The following PLOD2 variants were observed in gnomAD, a reference collection of about 807,000 sequenced individuals.
The protein encoded by PLOD2 is procollagen-lysine,2-oxoglutarate 5-dioxygenase 2.
Under a neutral mutation model 101.0 loss-of-function variants are expected in PLOD2, and 65 were observed. The observed-to-expected ratio is 0.64, with a 90% CI of 0.53 to 0.79. The LOEUF is 0.79. PLOD2 is among the 30% of genes least tolerant of loss of function. PLOD2 has a pLI of 0.00. For missense variants in PLOD2, 909 were observed against 914.6 expected (o/e 0.99, Z 0.08); for synonymous variants, 314 against 302.9 (o/e 1.04, Z -0.38).
intron 2 of PLOD2, among the ~76,000 whole-genome samples, chr3:146,122,420 T>C (rs2030227575): frequency 6.6e-6 from 1 of 152,170 alleles, no homozygotes. Context: ...CTCTGTGCAA[T>C]ACACCATGTT....
At chr3:146,091,289 T>C (rs1982383) in intron 8 of PLOD2, among the ~76,000 whole-genome samples, 2 of 151,920 alleles carry the variant, frequency 1.3e-5, no homozygotes, top group East Asian at 3.9e-4. Flanking sequence ...CTTACATTTA[T>C]GCACCTCAGT....
chr3:146,103,856 C>T (rs1025262398), intron 6 of PLOD2, among the ~76,000 whole-genome samples: 5 of 151,646 alleles, frequency 3.3e-5, no homozygotes, highest in Admixed American at 1.3e-4. Context: ...CACACACACA[C>T]ACACACACAC....
intron 6 of PLOD2, 74 bp downstream of exon 6, chr3:146,104,205 T>G (rs1013619751): frequency 1.1e-6 from 1 of 876,680 alleles, no homozygotes; most frequent in Non-Finnish European, 2.0e-6. Flanking sequence ...CAAATGGACA[T>G]AACAAAGGAA....
intron 3 of PLOD2, among the ~76,000 whole-genome samples, chr3:146,112,630 A>ATCATGAG (rs1306713893): frequency 6.6e-6 from 1 of 152,080 alleles, no homozygotes; most frequent in African/African-American, 2.4e-5. Context: ...AGGCGGGCGG[A>ATCATGAG]TCATGAGGTC....
At chr3:146,113,125 T>C (rs1022892889) in intron 3 of PLOD2, among the ~76,000 whole-genome samples, 4 of 151,996 alleles carry the variant, frequency 2.6e-5, no homozygotes, top group African/African-American at 9.7e-5. Flanking sequence ...TGAAAAAGAG[T>C]TATGGCAACT....
intron 1 of PLOD2, among the ~76,000 whole-genome samples, chr3:146,151,208 G>C (rs2108141015): frequency 6.6e-6 from 1 of 152,272 alleles, no homozygotes; most frequent in South Asian, 2.1e-4. Flanking sequence ...TAAAAGTCAA[G>C]AGACATTGGC....
In PLOD2 at chr3:146,071,024, C is replaced by T. The variant is rs191094758; in HGVS notation, c.2121+18G>A. 1 of 1,596,668 alleles carries T rather than the reference C, an allele frequency of 6.3e-7. No homozygotes were observed. Among genetic ancestry groups the T allele is most frequent in the Non-Finnish European group, 8.6e-7 (1 of 1,165,632 alleles). ...ATATTTCTTTTGAAAAATCTAAAAA[C>T]ACAAGAGTCATAATTACCTGAAAGT... On this transcript the variant is annotated intron_variant, in intron 19 of 19. Transcript: ENST00000282903.
intron 11 of PLOD2, among the ~76,000 whole-genome samples, chr3:146,082,238 C>T (rs947278088): frequency 5.3e-5 from 8 of 152,038 alleles, no homozygotes; most frequent in Non-Finnish European, 1.2e-4. Context: ...TTAAATGAAA[C>T]CAAATATTTT....
Position 146,070,889 on chromosome 3 carries a change from G to A in PLOD2, c.2122-17C>T. The A allele has an allele frequency of 6.3e-7, 1 of 1,592,408 alleles. No homozygotes were observed. The highest frequency in any genetic ancestry group is 8.6e-7 in the Non-Finnish European group (1 of 1,162,744). ...ACCACCTCCCTAAAAAAGTTAAAAT[G>A]AAGAAATACATCAGATTATATTTAA... On this transcript the variant is annotated splice_polypyrimidine_tract_variant and intron_variant, in intron 19 of 19. Coordinates refer to ENST00000282903, the MANE Select transcript of PLOD2 (RefSeq NM_182943.3).
intron 1 of PLOD2, among the ~76,000 whole-genome samples, chr3:146,124,802 G>T (rs557545749): frequency 2.8e-4 from 42 of 152,004 alleles, no homozygotes; most frequent in African/African-American, 9.4e-4. Flanking sequence ...TCTTACAAGC[G>T]ACAACATTAT....
At chr3:146,100,098 C>T (rs1216289358) in intron 7 of PLOD2, among the ~76,000 whole-genome samples, 1 of 152,180 alleles carries the variant, frequency 6.6e-6, no homozygotes, top group East Asian at 1.9e-4. Flanking sequence ...TCAGGCTGGT[C>T]TTGAACTCCT....
At chr3:146,105,152 C>T (rs1012792832) in intron 5 of PLOD2, 5 of 152,186 alleles carry the variant, frequency 3.3e-5, no homozygotes, top group African/African-American at 9.7e-5. Context: ...TTCTTAATTA[C>T]TTTCAATGTG....
At chr3:146,085,417 C>T (rs1319301786) in intron 10 of PLOD2, 144 bp from the exon 11 acceptor site, 13 of 646,932 alleles carry the variant, frequency 2.0e-5, no homozygotes, top group East Asian at 8.3e-5. Context: ...ATATCTGAAA[C>T]GATATATATA....
At chr3:146,104,399 CTATCA>C in intron 5 of PLOD2, 57 bp from the exon 6 acceptor site, 1 of 859,428 alleles carries the variant, frequency 1.2e-6, no homozygotes, top group Non-Finnish European at 2.0e-6. Context: ...GCAAACATTC[CTATCA>C]TATTAATATA....
intron 1 of PLOD2, among the ~76,000 whole-genome samples, chr3:146,159,735 AG>A (rs2032478856): frequency 6.6e-6 from 1 of 152,248 alleles, no homozygotes; most frequent in African/African-American, 2.4e-5. Context: ...TATACCTAAC[AG>A]AAAGAAAAGC....
chr3:146,126,140 T>G (rs1186694663), intron 1 of PLOD2, among the ~76,000 whole-genome samples: 1 of 152,216 alleles, frequency 6.6e-6, no homozygotes, highest in African/African-American at 2.4e-5. Flanking sequence ...CAAAGCTTAA[T>G]CATGTGTAGT....
At chr3:146,148,333 G>GGCAT in intron 1 of PLOD2, among the ~76,000 whole-genome samples, 1 of 52,902 alleles carries the variant, frequency 1.9e-5, no homozygotes, top group Middle Eastern at 9.8e-3. Flanking sequence ...CAGGCAGGCA[G>GGCAT]GCACGCACAC....
intron 1 of PLOD2, among the ~76,000 whole-genome samples, chr3:146,149,551 C>T (rs1026773707): frequency 1.4e-4 from 21 of 152,202 alleles, no homozygotes; most frequent in Middle Eastern, 3.4e-3. Context: ...AGGATATTTA[C>T]TTGCTGTTTA....
Position 146,071,180 on chromosome 3 carries a change from AG to A in PLOD2, c.1996-14del, listed in dbSNP as rs1356565111. 1 of 1,611,016 alleles carries A rather than the reference AG, an allele frequency of 6.2e-7. No individual in the cohort carries two copies. The highest frequency in any genetic ancestry group is 1.3e-5 in the African/African-American group (1 of 74,770). On this transcript the variant is annotated splice_polypyrimidine_tract_variant and intron_variant, in intron 18 of 19. Coordinates refer to ENST00000282903, the MANE Select transcript of PLOD2 (RefSeq NM_182943.3). ...GTAGTGCAAATCCCTGAAAAAGCAA[AG>A]TAAGCCAGTGGATTTGCTTATTAAT...
Sources: gnomAD v4.1 joint callset for allele counts (sites outside exome capture counted in the v4.1 genomes callset) on GRCh38, gnomAD v4.1.1 for gene constraint, MANE v1.5 for transcripts, NCBI Gene and HGNC (gene_info 2026-07-23, HGNC 2026-07-21) for gene names.